The following ZNF507 variants were observed in gnomAD, a reference collection of about 807,000 sequenced individuals.
ZNF507 encodes zinc finger protein 507.
A neutral mutation model predicts 80.0 loss-of-function variants in ZNF507; 29 were observed. The ratio of observed to expected loss-of-function variants is 0.36; its 90% CI spans 0.27 to 0.49. The LOEUF (loss-of-function observed/expected upper bound fraction) is 0.49, where lower values mean the gene tolerates loss of function less well. Ranked by LOEUF, ZNF507 falls within the 20% of genes least tolerant of loss-of-function variation. ZNF507 has a pLI of 0.98. For synonymous variants in ZNF507, 462 were observed against 422.5 expected, an observed-to-expected ratio of 1.09 and a Z score of -1.15; for missense variants, 1,081 against 1,152.2, an observed-to-expected ratio of 0.94 and a Z score of 0.90.
At chr19:32,351,340 CAGA>C (rs984858421) in intron 2 of ZNF507, among the ~76,000 whole-genome samples, 83 of 148,730 alleles carry the variant, frequency 5.6e-4, no homozygotes, top group Middle Eastern at 3.7e-3. Context: ...GCTGGCTTGC[CAGA>C]AGGAGTAGAA....
At chr19:32,347,926 A>AT (rs1467899569) in intron 2 of ZNF507, among the ~76,000 whole-genome samples, 1 of 152,146 alleles carries the variant, frequency 6.6e-6, no homozygotes, top group African/African-American at 2.4e-5. Context: ...ATTTATACTC[A>AT]TTTTTTTCTT....
Position 32,354,790 on chromosome 19 carries a change from G to A in ZNF507, c.1960G>A (p.Gly654Ser). 1.9e-6 allele frequency: 3 copies of A among 1,614,134 alleles called. No individual in the cohort carries two copies. Among genetic ancestry groups the A allele is most frequent in the Non-Finnish European group, 2.5e-6 (3 of 1,180,038 alleles). Residue 654 changes from glycine to serine, a missense_variant, in exon 3 of 7, where the codon GGC becomes AGC. By Grantham distance (56) the Gly-to-Ser change is moderately conservative. This residue lies in a region of ZNF507 where 614 missense variants were observed against 583.9 expected (regional missense o/e 1.05). Transcript: ENST00000355898. ...RLCHYTSGNK[G>S]YIKQHLRVHR... ...GTGTCACTACACAAGTGGCAACAAG[G>A]GCTACATCAAGCAGCACTTACGAGT...
At chr19:32,381,263 A>G (rs556619494) in intron 5 of ZNF507, among the ~76,000 whole-genome samples, 1 of 152,232 alleles carries the variant, frequency 6.6e-6, no homozygotes, top group East Asian at 1.9e-4. Flanking sequence ...GGGCAGTGAA[A>G]CTATTCATAT....
At chr19:32,348,811 A>G (rs574293816) in intron 2 of ZNF507, among the ~76,000 whole-genome samples, 9 of 152,326 alleles carry the variant, frequency 5.9e-5, no homozygotes, top group Admixed American at 1.3e-4. Context: ...ATTCAGCCAT[A>G]TCGATCTTTT....
rs759663719 is a variant in ZNF507, at chr19:32,353,194, G to C, written c.364G>C (p.Ala122Pro). Residue 122 changes from alanine to proline, a missense_variant, in exon 3 of 7, where the codon GCT becomes CCT. Coordinates refer to ENST00000355898, the MANE Select transcript of ZNF507 (RefSeq NM_001136156.2). ...PDTLAQNEGK[A>P]MSYQCSLCKF... The stretch of plus-strand genomic sequence containing the variant: ...CACTCTTGCCCAGAATGAAGGGAAG[G>C]CTATGTCTTATCAGTGTAGCCTTTG... 6.2e-7 allele frequency: 1 copy of C among 1,614,040 alleles called. No individual in the cohort carries two copies. The highest frequency in any genetic ancestry group is 2.2e-5 in the East Asian group (1 of 44,896).
intron 2 of ZNF507, among the ~76,000 whole-genome samples, chr19:32,350,178 T>G (rs931010598): frequency 6.0e-5 from 9 of 151,080 alleles, no homozygotes; most frequent in African/African-American, 2.2e-4. Flanking sequence ...GTGTATACTT[T>G]ATTATCAGCT....
In ZNF507 at chr19:32,349,938, T is replaced by A. The variant is rs149089760; in HGVS notation, c.-3+2600T>A. ...ATCACCAAGGTAATTGTTTTAAAGC[T>A]GTGCTTACACTGATCTCTTGGAGGC... is the stretch of plus-strand genomic sequence containing the variant. On this transcript the variant is annotated intron_variant, in intron 2 of 6. Transcript: ENST00000355898. Among the ~76,000 whole-genome samples the A allele has an allele frequency of 4.3e-4, 65 of 152,362 alleles. 4 individuals carry two copies. The highest frequency in any genetic ancestry group is 1.5e-3 in the African/African-American group (63 of 41,592).
intron 2 of ZNF507, among the ~76,000 whole-genome samples, chr19:32,352,161 A>G (rs1967178294): frequency 6.6e-6 from 1 of 151,590 alleles, no homozygotes; most frequent in African/African-American, 2.4e-5. Context: ...TTTGTGGTTT[A>G]TCTTCAGGAA....
chr19:32,361,291 G>A (rs1403593908), intron 5 of ZNF507, among the ~76,000 whole-genome samples: 2 of 152,020 alleles, frequency 1.3e-5, no homozygotes, highest in Non-Finnish European at 2.9e-5. Flanking sequence ...AGAAAATATA[G>A]GCATTCTCAG....
intron 2 of ZNF507, among the ~76,000 whole-genome samples, chr19:32,351,295 T>G (rs999612766): frequency 6.6e-6 from 1 of 152,132 alleles, no homozygotes; most frequent in Admixed American, 6.5e-5. Flanking sequence ...GTAAAGTGTT[T>G]GCATTTTTGC....
rs562325776 is a variant in ZNF507 at position 32,352,956 on chromosome 19, T to C, written c.126T>C (p.Asp42=). 3.1e-6 allele frequency: 5 copies of C among 1,614,112 alleles called. No individual in the cohort carries two copies. The African/African-American group carries it at 5.3e-5, about 17-fold the overall frequency. ...EIDEQRKTKP[D]PLIHVIQKLS... The stretch of plus-strand genomic sequence containing the variant: ...ATGAACAAAGAAAAACTAAACCAGA[T>C]CCATTAATCCATGTTATCCAGAAGT... The change falls in exon 3 of 7, where the codon GAT becomes GAC. Residue 42 remains aspartate, a synonymous_variant. Transcript: ENST00000355898.
chr19:32,365,444 C>T (rs1457625488), intron 5 of ZNF507, among the ~76,000 whole-genome samples: 1 of 152,100 alleles, frequency 6.6e-6, no homozygotes, highest in Non-Finnish European at 1.5e-5. Flanking sequence ...CCAATGTTAT[C>T]TTCTAGAATT....
Position 32,382,778 on chromosome 19 carries a change from G to A in ZNF507, c.2557G>A (p.Val853Ile), listed in dbSNP as rs115951997. 5.1e-4 allele frequency: 827 copies of A among 1,614,026 alleles called. 3 individuals carry two copies. In the African/African-American group the frequency reaches 8.7e-3, roughly 17 times the overall value. The part of the protein sequence containing the change: ...LKSSEESADP[V>I]TGSSENAVSS... ...GAGCAGTGAAGAGAGTGCAGATCCCGTCACTGGAAGTTCAGAAAATGCAGT... is the reference window on the plus strand; with the variant it reads ...GAGCAGTGAAGAGAGTGCAGATCCCATCACTGGAAGTTCAGAAAATGCAGT... The change falls in exon 7 of 7, where the codon GTC becomes ATC. Residue 853 changes from valine to isoleucine, a missense_variant. Coordinates refer to ENST00000355898, the MANE Select transcript of ZNF507 (RefSeq NM_001136156.2).
intron 2 of ZNF507, among the ~76,000 whole-genome samples, chr19:32,348,499 A>G (rs1469315574): frequency 6.6e-6 from 1 of 152,184 alleles, no homozygotes; most frequent in East Asian, 1.9e-4. Flanking sequence ...TAGATACCCA[A>G]ATAACCAAAT....
In ZNF507 at chr19:32,382,516, CAT is replaced by C. The variant is rs1300129485; in HGVS notation, c.2413_2414del (p.Met805ValfsTer6). ...TAGCCATCCTCCTTCTTTGAAGTCT[CAT>C]ATGTGGAAACATGCAAGTGACCAAA... ...VCSHPPSLKS[H>X]MWKHASDQNY... On this transcript the variant is annotated frameshift_variant, in exon 6 of 7. Transcript: ENST00000355898. LOFTEE classifies it high-confidence loss of function. The C allele has an allele frequency of 3.1e-6, 5 of 1,614,154 alleles. No homozygotes were observed. The highest frequency in any genetic ancestry group is 4.2e-6 in the Non-Finnish European group (5 of 1,180,008).
rs779446327 is a variant in ZNF507, at chr19:32,382,699, G to T, written c.2496-18G>T. On this transcript the variant is annotated intron_variant, in intron 6 of 6. Coordinates refer to ENST00000355898, the MANE Select transcript of ZNF507 (RefSeq NM_001136156.2). The stretch of plus-strand genomic sequence containing the variant: ...TTGTAGCCTCCTCACGGTGTGCTGT[G>T]TTTGTTTTGTTTTTAAGAGTTCTGG... 5 of 1,609,696 alleles carry T rather than the reference G, an allele frequency of 3.1e-6. No homozygotes were observed. Among genetic ancestry groups the T allele is most frequent in the Non-Finnish European group, 4.2e-6 (5 of 1,177,410 alleles).
rs370993159 is a variant in ZNF507 at position 32,380,580 on chromosome 19, A to G, written c.2361-1887A>G. On this transcript the variant is annotated intron_variant, in intron 5 of 6. Transcript: ENST00000355898. Reference sequence around the variant, plus strand: ...CGTTTGATTTTCTTTGTGCCTCGTTATTGCTGACTGTGTCTCTTATTGGTG... The same window carrying G: ...CGTTTGATTTTCTTTGTGCCTCGTTGTTGCTGACTGTGTCTCTTATTGGTG... 37 of 1,534,982 alleles carry G rather than the reference A, an allele frequency of 2.4e-5. No homozygotes were observed. The African/African-American group carries it at 3.7e-4, about 15-fold the overall frequency.
chr19:32,351,977 A>G (rs1967174810), intron 2 of ZNF507, among the ~76,000 whole-genome samples: 1 of 152,138 alleles, frequency 6.6e-6, no homozygotes, highest in African/African-American at 2.4e-5. Context: ...AGAACGAACA[A>G]ATAACCTCTT....
intron 3 of ZNF507, 139 bp from the exon 4 acceptor site, chr19:32,356,477 A>T: frequency 1.7e-6 from 1 of 600,344 alleles, no homozygotes. Flanking sequence ...GTGTCAAATG[A>T]TCCTTTAGCA....
Sources: gnomAD v4.1 joint callset for allele counts (sites outside exome capture counted in the v4.1 genomes callset) on GRCh38, gnomAD v4.1.1 for gene constraint, gnomAD v4.1.1 regional missense constraint, MANE v1.5 for transcripts, NCBI Gene and HGNC (gene_info 2026-07-23, HGNC 2026-07-21) for gene names.